Variants in DPYD observed in about 807,000 individuals in gnomAD.
DPYD encodes dihydropyrimidine dehydrogenase [NADP(+)].
DPYD carries 109 observed loss-of-function variants against 116.2 expected under a neutral mutation model. The ratio of observed to expected loss-of-function variants is 0.94; its 90% confidence interval spans 0.80 to 1.10. The LOEUF (loss-of-function observed/expected upper bound fraction) is 1.10. Ranked by LOEUF, DPYD falls within the 50% of genes least tolerant of loss-of-function variation. DPYD has a pLI of 0.00. For synonymous variants in DPYD, 440 were observed against 432.0 expected (o/e 1.02, Z -0.23); for missense variants, 1,302 against 1,254.5 (o/e 1.04, Z -0.57).
chr1:97,846,058 T>A (rs575026867), intron 2 of DPYD, among the ~76,000 whole-genome samples: 1 of 152,248 alleles, frequency 6.6e-6, no homozygotes, highest in African/African-American at 2.4e-5. Context: ...AGGTATGGGA[T>A]CCAGACTGGT....
At chr1:97,651,526 C>T (rs1571130869) in intron 8 of DPYD, among the ~76,000 whole-genome samples, 2 of 152,234 alleles carry the variant, frequency 1.3e-5, no homozygotes, top group Non-Finnish European at 2.9e-5. Context: ...TTATCATTTT[C>T]TATCAGTGCC....
intron 2 of DPYD, among the ~76,000 whole-genome samples, chr1:97,880,773 G>T (rs753017407): frequency 7.2e-5 from 11 of 151,996 alleles, no homozygotes; most frequent in Non-Finnish European, 1.5e-4. Context: ...ATGGTTATGT[G>T]TAAGTGTACA....
chr1:97,707,300 T>A (rs1031345540), intron 5 of DPYD, among the ~76,000 whole-genome samples: 1 of 152,148 alleles, frequency 6.6e-6, no homozygotes, highest in African/African-American at 2.4e-5. Context: ...AGCATATATT[T>A]TTTTTATTAT....
intron 12 of DPYD, among the ~76,000 whole-genome samples, chr1:97,540,845 C>A (rs962915411): frequency 6.6e-6 from 1 of 151,120 alleles, no homozygotes; most frequent in African/African-American, 2.5e-5. Flanking sequence ...TTAGCATACA[C>A]ACACACACAC....
At chr1:97,586,918 T>TA (rs2102232916) in intron 10 of DPYD, among the ~76,000 whole-genome samples, 1 of 152,270 alleles carries the variant, frequency 6.6e-6, no homozygotes, top group East Asian at 1.9e-4. Flanking sequence ...TGTGAAGAAA[T>TA]AGAGCCTTCC....
chr1:97,218,317 C>A (rs1033556126), intron 19 of DPYD, among the ~76,000 whole-genome samples: 3 of 151,858 alleles, frequency 2.0e-5, no homozygotes, highest in Non-Finnish European at 4.4e-5. Flanking sequence ...AATGAGGAAA[C>A]TGAATGTACT....
chr1:97,098,760 T>G, intron 20 of DPYD, 128 bp from the exon 21 acceptor site: 2 of 1,097,538 alleles, frequency 1.8e-6, no homozygotes, highest in Non-Finnish European at 2.7e-6. Context: ...ATACTGTAAC[T>G]AGGTCTTCAC....
chr1:97,097,141 A>C (rs373243245), intron 21 of DPYD, among the ~76,000 whole-genome samples: 221 of 152,330 alleles, frequency 1.5e-3, no homozygotes, highest in Non-Finnish European at 2.2e-3. Flanking sequence ...TGAACAACTC[A>C]AGAGACGATT....
In DPYD at chr1:97,831,461, T is replaced by C. The variant is rs145768314; in HGVS notation, c.151-3265A>G. On this transcript the variant is annotated intron_variant, in intron 2 of 22. Coordinates refer to ENST00000370192, the MANE Select transcript of DPYD (RefSeq NM_000110.4). ...ATGAACATGGATCTGAGAAAAACTG[T>C]AAATTATTTGTAATCAACAAGTTAT... 1.2e-4 allele frequency among the ~76,000 whole-genome samples: 18 copies of C among 152,328 alleles called. No individual in the cohort carries two copies. The East Asian group carries it at 2.1e-3, about 18-fold the overall frequency.
chr1:97,371,661 A>C (rs1032311422), intron 16 of DPYD, among the ~76,000 whole-genome samples: 2 of 152,218 alleles, frequency 1.3e-5, no homozygotes, highest in South Asian at 4.1e-4. Context: ...AAAATATGGA[A>C]CATTCATGTG....
chr1:97,460,962 G>A (rs905531781), intron 13 of DPYD, among the ~76,000 whole-genome samples: 3 of 151,672 alleles, frequency 2.0e-5, no homozygotes, highest in Admixed American at 6.6e-5. Context: ...ACTTGAACCC[G>A]GGGGGTGGAG....
intron 4 of DPYD, among the ~76,000 whole-genome samples, chr1:97,736,850 TTGTGTGTGTGTGTG>T (rs71590232): frequency 4.9e-5 from 7 of 142,104 alleles, no homozygotes; most frequent in Non-Finnish European, 9.2e-5. Flanking sequence ...GTGTGTGCAT[TTGTGTGTGTGTGTG>T]TGTGTGTGTG....
chr1:97,489,101 C>T (rs1463015122), intron 13 of DPYD, among the ~76,000 whole-genome samples: 2 of 152,134 alleles, frequency 1.3e-5, no homozygotes, highest in Non-Finnish European at 2.9e-5. Context: ...TATTTGAGTA[C>T]AAAAAATGTA....
intron 8 of DPYD, among the ~76,000 whole-genome samples, chr1:97,630,967 G>C (rs1477770185): frequency 6.6e-6 from 1 of 152,112 alleles, no homozygotes; most frequent in East Asian, 1.9e-4. Flanking sequence ...ATACTCCTTT[G>C]TCTTGATTTG....
intron 16 of DPYD, among the ~76,000 whole-genome samples, chr1:97,323,281 T>TATATATAC (rs1168090789): frequency 1.4e-5 from 2 of 146,874 alleles, no homozygotes; most frequent in Admixed American, 6.8e-5. Flanking sequence ...TATGTACACG[T>TATATATAC]ATATATACAT....
At chr1:97,657,408 A>C (rs1380797638) in intron 8 of DPYD, among the ~76,000 whole-genome samples, 4 of 152,196 alleles carry the variant, frequency 2.6e-5, no homozygotes, top group Non-Finnish European at 5.9e-5. Context: ...TTTAAATTAA[A>C]TTTCCAAATT....
rs150986009 is a variant in DPYD at position 97,820,065 on chromosome 1, A to G, written c.233+8049T>C. On this transcript the variant is annotated intron_variant, in intron 3 of 22. Coordinates refer to ENST00000370192, the MANE Select transcript of DPYD (RefSeq NM_000110.4). ...ACTCGGTTCATGGTTTACTAATCAC[A>G]GCTTCCTCGGAGTCATGGTTCATGT... 2.8e-3 allele frequency among the ~76,000 whole-genome samples: 419 copies of G among 152,266 alleles called. 2 individuals carry two copies. The highest frequency in any genetic ancestry group is 8.9e-3 in the African/African-American group (370 of 41,580).
At chr1:97,743,188 A>G (rs1242425344) in intron 3 of DPYD, among the ~76,000 whole-genome samples, 1 of 152,110 alleles carries the variant, frequency 6.6e-6, no homozygotes, top group Non-Finnish European at 1.5e-5. Context: ...TTCACAAATA[A>G]CAGCTGTTGA....
intron 8 of DPYD, among the ~76,000 whole-genome samples, chr1:97,667,350 C>T (rs527607853): frequency 1.3e-5 from 2 of 151,978 alleles, no homozygotes; most frequent in Admixed American, 6.6e-5. Flanking sequence ...AATGTGAATG[C>T]CATTTAATTT....
Sources: gnomAD v4.1 joint callset for allele counts (sites outside exome capture counted in the v4.1 genomes callset) on GRCh38, gnomAD v4.1.1 for gene constraint, MANE v1.5 for transcripts, NCBI Gene and HGNC (gene_info 2026-07-23, HGNC 2026-07-21) for gene names.